Variants in EYA4 observed in about 807,000 individuals in gnomAD.
EYA4 encodes the protein EYA transcriptional coactivator and phosphatase 4.
EYA4 carries 31 observed loss-of-function variants against 87.9 expected under a neutral mutation model. That is an observed-to-expected ratio of 0.35 (90% CI 0.27 to 0.48). The LOEUF is 0.48. Ranked by LOEUF, EYA4 falls within the 20% of genes least tolerant of loss-of-function variation. The probability of loss-of-function intolerance (pLI) is 0.99; values close to 1 mark genes in which losing one functional copy is unlikely to be tolerated. For missense variants in EYA4, 678 were observed against 761.4 expected, an observed-to-expected ratio of 0.89 and a Z score of 1.29; for synonymous variants, 263 against 270.6, an observed-to-expected ratio of 0.97 and a Z score of 0.28.
At chr6:133,367,631 C>G (rs545820213) in intron 2 of EYA4, among the ~76,000 whole-genome samples, 1 of 152,230 alleles carries the variant, frequency 6.6e-6, no homozygotes, top group African/African-American at 2.4e-5. Context: ...TTGATGGACT[C>G]AAAAGCACTG....
At chr6:133,504,031 C>A (rs1215140631) in intron 13 of EYA4, among the ~76,000 whole-genome samples, 2 of 152,126 alleles carry the variant, frequency 1.3e-5, no homozygotes, top group African/African-American at 4.8e-5. Context: ...GATTCTCGTG[C>A]CTCAGCATCC....
chr6:133,515,348 C>T lies in EYA4; in HGVS notation c.1529C>T (p.Ala510Val), dbSNP rs1799501773. ...GGLLGPAKRD[A>V]WLQLRAEIEG... The stretch of plus-strand genomic sequence containing the variant: ...CTCCTTGGCCCTGCCAAGAGGGATG[C>T]CTGGCTACAGTTAAGGGCAGAGATT... The change falls in exon 17 of 20, where the codon GCC becomes GTC. Residue 510 changes from alanine to valine, a missense_variant. Physicochemically the swap from Ala to Val is moderately conservative, Grantham distance 64. Transcript: ENST00000355286. 2 of 1,612,916 alleles carry T rather than the reference C, an allele frequency of 1.2e-6. No individual in the cohort carries two copies. The highest frequency in any genetic ancestry group is 2.2e-5 in the South Asian group (2 of 91,056).
At chr6:133,412,712 T>A (rs974713495) in intron 3 of EYA4, among the ~76,000 whole-genome samples, 12 of 152,224 alleles carry the variant, frequency 7.9e-5, no homozygotes, top group South Asian at 2.1e-4. Context: ...TTTGCTTGTT[T>A]CCTATTCAGC....
chr6:133,437,440 T>C (rs568445587), intron 3 of EYA4, among the ~76,000 whole-genome samples: 8 of 152,332 alleles, frequency 5.3e-5, no homozygotes, highest in Admixed American at 3.3e-4. Flanking sequence ...TTGGGACTGC[T>C]GTGTATCCTC....
At chr6:133,283,582 C>T (rs1343657701) in intron 2 of EYA4, among the ~76,000 whole-genome samples, 6 of 152,214 alleles carry the variant, frequency 3.9e-5, no homozygotes, top group Middle Eastern at 6.8e-3. Flanking sequence ...TACACTGAAG[C>T]AGAGTTTAGG....
At chr6:133,344,345 T>C (rs1293122812) in intron 2 of EYA4, among the ~76,000 whole-genome samples, 3 of 152,228 alleles carry the variant, frequency 2.0e-5, no homozygotes, top group Non-Finnish European at 4.4e-5. Context: ...CCTTTCCTTT[T>C]GAAAATATTT....
At chr6:133,419,859 T>C (rs1201982770) in intron 3 of EYA4, among the ~76,000 whole-genome samples, 1 of 152,170 alleles carries the variant, frequency 6.6e-6, no homozygotes, top group Non-Finnish European at 1.5e-5. Context: ...AGCCAGTACA[T>C]GGTGGGCATT....
intron 12 of EYA4, among the ~76,000 whole-genome samples, chr6:133,481,952 G>A (rs1363717302): frequency 6.6e-6 from 1 of 152,160 alleles, no homozygotes; most frequent in Non-Finnish European, 1.5e-5. Flanking sequence ...TAAAGTAATG[G>A]AAGATGTCCA....
At chr6:133,483,283 C>T (rs886200927) in intron 13 of EYA4, among the ~76,000 whole-genome samples, 168 bp downstream of exon 13, 1 of 151,990 alleles carries the variant, frequency 6.6e-6, no homozygotes, top group Non-Finnish European at 1.5e-5. Context: ...TATGAACTGG[C>T]AAATTTAACA....
rs113561290 is a variant in EYA4, at chr6:133,490,441, A to G, written c.1191+7326A>G. 1.9e-3 allele frequency among the ~76,000 whole-genome samples: 283 copies of G among 152,168 alleles called. 2 individuals carry two copies. The highest frequency in any genetic ancestry group is 6.4e-3 in the African/African-American group (266 of 41,546). On this transcript the variant is annotated intron_variant, in intron 13 of 19. Transcript: ENST00000355286. ...CCCAGCGATCTCTTGCCTACAAGAA[A>G]TACACTTCACCTATAAAGGCACACA... is the stretch of plus-strand genomic sequence containing the variant.
In EYA4 at chr6:133,337,684, C is replaced by T. The variant is rs148016822; in HGVS notation, c.34-44708C>T. Among the ~76,000 whole-genome samples the T allele has an allele frequency of 2.0e-5, 3 of 152,298 alleles. No individual in the cohort carries two copies. In the East Asian group the frequency reaches 5.8e-4, roughly 29 times the overall value. On this transcript the variant is annotated intron_variant, in intron 2 of 19. Transcript: ENST00000355286. ...TTTGATACACATCTCTAATTGCTCT[C>T]ACTTAAAGCAGTTTCAAGACAAATA... is the stretch of plus-strand genomic sequence containing the variant.
chr6:133,296,954 T>C lies in EYA4; in HGVS notation c.33+22141T>C, dbSNP rs566029186. 3.3e-5 allele frequency among the ~76,000 whole-genome samples: 5 copies of C among 152,274 alleles called. No homozygotes were observed. The South Asian group carries it at 1.0e-3, about 32-fold the overall frequency. On this transcript the variant is annotated intron_variant, in intron 2 of 19. Transcript: ENST00000355286. ...TTAAATTTCCCACTGTGATGGTGGATTTATCAGTTTATCTTACAATTCTAT... is the reference window on the plus strand; with the variant it reads ...TTAAATTTCCCACTGTGATGGTGGACTTATCAGTTTATCTTACAATTCTAT...
rs146482613 is a variant in EYA4, at chr6:133,289,473, C to G, written c.33+14660C>G. ...AGTTTTCTTTTAGCAAAATATCTCTCATTGACTAGGACTTAAGGCTATACT... is the reference window on the plus strand; with the variant it reads ...AGTTTTCTTTTAGCAAAATATCTCTGATTGACTAGGACTTAAGGCTATACT... On this transcript the variant is annotated intron_variant, in intron 2 of 19. Coordinates refer to ENST00000355286, the MANE Select transcript of EYA4 (RefSeq NM_004100.5). Among the ~76,000 whole-genome samples the G allele has an allele frequency of 1.8e-3, 281 of 152,268 alleles. 2 individuals carry two copies. The highest frequency in any genetic ancestry group is 6.6e-3 in the African/African-American group (273 of 41,544).
At chr6:133,326,205 T>C (rs1252659770) in intron 2 of EYA4, among the ~76,000 whole-genome samples, 1 of 152,192 alleles carries the variant, frequency 6.6e-6, no homozygotes, top group East Asian at 1.9e-4. Flanking sequence ...GCTTGACCCA[T>C]GCTGGGGGAA....
At position 133,406,806 on chromosome 6, in the gene EYA4, G is replaced by A. The variant is rs915260504; in HGVS notation, c.83+24365G>A. On this transcript the variant is annotated intron_variant, in intron 3 of 19. Transcript: ENST00000355286. Reference sequence around the variant, plus strand: ...GAAGGTTTTCTATTAAAATGAAAATGAAATGTATGAAATCTGTCTCTTATT... The same window carrying A: ...GAAGGTTTTCTATTAAAATGAAAATAAAATGTATGAAATCTGTCTCTTATT... 3.9e-5 allele frequency among the ~76,000 whole-genome samples: 6 copies of A among 152,118 alleles called. No homozygotes were observed. In the East Asian group the frequency reaches 1.2e-3, roughly 29 times the overall value.
At chr6:133,349,922 T>C (rs1420789662) in intron 2 of EYA4, among the ~76,000 whole-genome samples, 1 of 152,114 alleles carries the variant, frequency 6.6e-6, no homozygotes, top group Non-Finnish European at 1.5e-5. Flanking sequence ...GTAAAAGAAG[T>C]ATAAACTTCA....
At chr6:133,348,076 T>TGTGAGA (rs1783333709) in intron 2 of EYA4, among the ~76,000 whole-genome samples, 1 of 152,208 alleles carries the variant, frequency 6.6e-6, no homozygotes, top group African/African-American at 2.4e-5. Flanking sequence ...AAAAATCAGT[T>TGTGAGA]CCTTCCATCC....
At chr6:133,294,374 GTT>G (rs1404852396) in intron 2 of EYA4, among the ~76,000 whole-genome samples, 2 of 129,064 alleles carry the variant, frequency 1.5e-5, no homozygotes, top group Non-Finnish European at 3.4e-5. Flanking sequence ...TGTTTTTTTT[GTT>G]TTTTTTTTTA....
intron 2 of EYA4, among the ~76,000 whole-genome samples, chr6:133,327,687 A>G (rs1360578706): frequency 6.6e-6 from 1 of 152,188 alleles, no homozygotes; most frequent in Non-Finnish European, 1.5e-5. Flanking sequence ...AGTAAATGGA[A>G]TTGTACAAGG....
Sources: gnomAD v4.1 joint callset for allele counts (sites outside exome capture counted in the v4.1 genomes callset) on GRCh38, gnomAD v4.1.1 for gene constraint, MANE v1.5 for transcripts, NCBI Gene and HGNC (gene_info 2026-07-23, HGNC 2026-07-21) for gene names.